Variants in MAST4 observed in about 807,000 individuals in gnomAD.
The protein encoded by MAST4 is microtubule associated serine/threonine kinase family member 4.
A neutral mutation model predicts 162.7 loss-of-function variants in MAST4; 89 were observed. The ratio of observed to expected loss-of-function variants is 0.55; its 90% confidence interval spans 0.46 to 0.65. The LOEUF is 0.65. MAST4 is among the 30% of genes least tolerant of loss of function. The pLI is 0.00. For synonymous variants in MAST4, 1,479 were observed against 1,361.1 expected (o/e 1.09, Z -1.91); for missense variants, 3,153 against 3,374.0 (o/e 0.93, Z 1.62).
intron 4 of MAST4, among the ~76,000 whole-genome samples, chr5:66,979,493 C>A (rs1035821440): frequency 6.6e-6 from 1 of 152,170 alleles, no homozygotes; most frequent in Non-Finnish European, 1.5e-5. Flanking sequence ...GGAGAAACAC[C>A]TGAATGGCCT....
intron 5 of MAST4, among the ~76,000 whole-genome samples, chr5:67,083,484 C>T (rs1172610473): frequency 6.6e-6 from 1 of 152,042 alleles, no homozygotes; most frequent in Middle Eastern, 3.2e-3. Context: ...TTCTCTTTGA[C>T]TAGAAATTAC....
intron 1 of MAST4, among the ~76,000 whole-genome samples, chr5:66,602,249 T>TG (rs1381020956): frequency 6.6e-6 from 1 of 152,060 alleles, no homozygotes; most frequent in Non-Finnish European, 1.5e-5. Flanking sequence ...GGGGTGAGCA[T>TG]GAAGGGAGAT....
At chr5:66,607,495 G>C (rs564323385) in intron 1 of MAST4, among the ~76,000 whole-genome samples, 2 of 152,306 alleles carry the variant, frequency 1.3e-5, no homozygotes, top group African/African-American at 4.8e-5. Context: ...AGCAGTTAAG[G>C]CATTTTTGGC....
intron 1 of MAST4, among the ~76,000 whole-genome samples, chr5:66,707,795 TAGCTCATAGACTGATGGAAACCA>T (rs1267795020): frequency 6.6e-6 from 1 of 152,194 alleles, no homozygotes; most frequent in East Asian, 1.9e-4. Context: ...GGGAAAATGT[TAGCTCATAGACTGATGGAAACCA>T]AGGGCAGGGG....
rs1407636358 is a variant in MAST4, at chr5:67,165,060, G to A, written c.5881G>A (p.Ala1961Thr). The A allele has an allele frequency of 2.5e-6, 4 of 1,603,604 alleles. No individual in the cohort carries two copies. The highest frequency in any genetic ancestry group is 3.4e-6 in the Non-Finnish European group (4 of 1,175,152). Reference sequence around the variant, plus strand: ...GCCACGCTGCCCGCTCCCACCTGAAGCTTCCCCCTCAAGGGAGAAGCCAGG... The same window carrying A: ...GCCACGCTGCCCGCTCCCACCTGAAACTTCCCCCTCAAGGGAGAAGCCAGG... ...ARPRCPLPPEASPSREKPGLR... is the reference protein window; with the variant it reads ...ARPRCPLPPETSPSREKPGLR... The change falls in exon 29 of 29, where the codon GCT becomes ACT. Residue 1961 changes from alanine to threonine, a missense_variant. Ala to Thr is a moderately conservative substitution (Grantham distance 58). Transcript: ENST00000403625.
intron 4 of MAST4, among the ~76,000 whole-genome samples, chr5:67,047,803 G>A (rs926879352): frequency 8.5e-5 from 13 of 152,304 alleles, no homozygotes; most frequent in Admixed American, 8.5e-4. Flanking sequence ...TAGTAGCAAA[G>A]GGTGTGTGAC....
intron 4 of MAST4, among the ~76,000 whole-genome samples, chr5:66,976,561 C>T (rs953714562): frequency 1.3e-5 from 2 of 152,244 alleles, no homozygotes; most frequent in African/African-American, 2.4e-5. Flanking sequence ...AAAGTAATCT[C>T]ATGCTCTCCC....
At chr5:67,030,317 G>A (rs1755151985) in intron 4 of MAST4, among the ~76,000 whole-genome samples, 1 of 152,060 alleles carries the variant, frequency 6.6e-6, no homozygotes, top group South Asian at 2.1e-4. Flanking sequence ...AATATTTGAT[G>A]GTTTAGGGTT....
intron 4 of MAST4, among the ~76,000 whole-genome samples, chr5:66,921,699 C>T (rs1461813639): frequency 6.6e-6 from 1 of 152,240 alleles, no homozygotes; most frequent in Non-Finnish European, 1.5e-5. Context: ...GTGAAGGTTG[C>T]GGTGATCCTA....
chr5:66,691,429 T>C (rs1749031577), intron 1 of MAST4, among the ~76,000 whole-genome samples: 1 of 152,200 alleles, frequency 6.6e-6, no homozygotes, highest in Non-Finnish European at 1.5e-5. Context: ...TAAAAAACTT[T>C]TCAGAGTAGA....
chr5:67,085,684 A>G (rs1224798954), intron 5 of MAST4, among the ~76,000 whole-genome samples: 1 of 152,212 alleles, frequency 6.6e-6, no homozygotes, highest in Admixed American at 6.5e-5. Flanking sequence ...TACCCAGAGA[A>G]TTCCACTGAC....
chr5:66,963,427 A>G (rs1251882406), intron 4 of MAST4, among the ~76,000 whole-genome samples: 1 of 152,256 alleles, frequency 6.6e-6, no homozygotes, highest in Non-Finnish European at 1.5e-5. Flanking sequence ...TGATGCAAAA[A>G]TCACATGTCA....
chr5:67,116,971 A>G (rs1298440711), intron 12 of MAST4, among the ~76,000 whole-genome samples: 1 of 152,208 alleles, frequency 6.6e-6, no homozygotes, highest in East Asian at 1.9e-4. Context: ...CTAAGCCAGC[A>G]CTGCATGCTG....
chr5:67,026,516 A>C (rs992973547), intron 4 of MAST4, among the ~76,000 whole-genome samples: 1 of 152,230 alleles, frequency 6.6e-6, no homozygotes, highest in African/African-American at 2.4e-5. Flanking sequence ...CCATCAGCAG[A>C]ATGCTTTGTA....
At chr5:66,985,021 G>A (rs1176322024) in intron 4 of MAST4, among the ~76,000 whole-genome samples, 2 of 152,208 alleles carry the variant, frequency 1.3e-5, no homozygotes, top group Non-Finnish European at 2.9e-5. Context: ...AGGAAAGTAG[G>A]TGGTGTACAG....
At chr5:66,607,295 A>C (rs1742957361) in intron 1 of MAST4, among the ~76,000 whole-genome samples, 1 of 152,190 alleles carries the variant, frequency 6.6e-6, no homozygotes, top group South Asian at 2.1e-4. Flanking sequence ...CGTCTGTAGA[A>C]CTTTTGTTAA....
chr5:66,957,509 T>G (rs959283648), intron 4 of MAST4, among the ~76,000 whole-genome samples: 3 of 152,202 alleles, frequency 2.0e-5, no homozygotes, highest in Non-Finnish European at 2.9e-5. Context: ...TACAATTACT[T>G]TTTACATCTC....
At chr5:66,966,896 G>A (rs1296107641) in intron 4 of MAST4, among the ~76,000 whole-genome samples, 1 of 152,166 alleles carries the variant, frequency 6.6e-6, no homozygotes, top group Non-Finnish European at 1.5e-5. Flanking sequence ...GAGTTGGTGA[G>A]GGAGGAAAAT....
intron 4 of MAST4, among the ~76,000 whole-genome samples, chr5:67,044,632 G>A (rs2545400): frequency 8.9e-4 from 135 of 152,064 alleles, no homozygotes; most frequent in South Asian, 3.7e-3. Flanking sequence ...CTCCAGCCTC[G>A]CTGCCTGAGT....
Sources: allele counts gnomAD v4.1 joint callset (sites outside exome capture counted in the v4.1 genomes callset), GRCh38; gene constraint gnomAD v4.1.1; transcripts MANE v1.5; gene names NCBI Gene and HGNC (gene_info 2026-07-23, HGNC 2026-07-21).